The following SLC25A48 variants were observed in gnomAD, a reference collection of about 807,000 sequenced individuals.
SLC25A48 encodes the protein CTC-321K16.1.
SLC25A48 carries 29 observed loss-of-function variants against 32.2 expected under a neutral mutation model. The ratio of observed to expected loss-of-function variants is 0.90; its 90% CI spans 0.67 to 1.23. The LOEUF (loss-of-function observed/expected upper bound fraction) is 1.23, where lower values mean the gene tolerates loss of function less well. SLC25A48 is among the 50% of genes most tolerant of loss of function. The probability of loss-of-function intolerance (pLI) is 0.00; values close to 1 mark genes in which losing one functional copy is unlikely to be tolerated. For synonymous variants in SLC25A48, 164 were observed against 172.3 expected, an observed-to-expected ratio of 0.95 and a Z score of 0.38; for missense variants, 399 against 422.7, an observed-to-expected ratio of 0.94 and a Z score of 0.49.
At chr5:135,652,471 A>G (rs1753139665) in intron 3 of SLC25A48, 1 of 455,972 alleles carries the variant, frequency 2.2e-6, no homozygotes, top group Non-Finnish European at 4.4e-6. Context: ...ACTTCTCAGC[A>G]AAGAAAGTGG....
upstream of SLC25A48, among the ~76,000 whole-genome samples, chr5:135,833,487 A>G (rs916542815): frequency 1.3e-5 from 2 of 152,212 alleles, no homozygotes; most frequent in Non-Finnish European, 1.5e-5. Flanking sequence ...TAGCAGCCCT[A>G]GGCATATATC....
At chr5:135,813,029 T>G (rs929076510) in intron 4 of SLC25A48, 1 of 152,242 alleles carries the variant, frequency 6.6e-6, no homozygotes, top group Non-Finnish European at 1.5e-5. Context: ...AAGCCTGCCT[T>G]TAATTATGAG....
intron 4 of SLC25A48, among the ~76,000 whole-genome samples, chr5:135,822,540 T>C (rs538709437): frequency 6.6e-6 from 1 of 152,264 alleles, no homozygotes; most frequent in South Asian, 2.1e-4. Flanking sequence ...TCCTCCATCA[T>C]CACATGACAT....
chr5:135,659,899 C>T (rs1377526835), intron 3 of SLC25A48, among the ~76,000 whole-genome samples: 1 of 152,210 alleles, frequency 6.6e-6, no homozygotes, highest in Non-Finnish European at 1.5e-5. Context: ...AAATCTGCCC[C>T]CATGATTCAA....
chr5:135,730,583 T>A (rs1456978405), intron 3 of SLC25A48, among the ~76,000 whole-genome samples: 1 of 152,188 alleles, frequency 6.6e-6, no homozygotes, highest in African/African-American at 2.4e-5. Context: ...ATTTTGGTAC[T>A]AGTAGAGTGG....
intron 3 of SLC25A48, among the ~76,000 whole-genome samples, chr5:135,718,623 G>A (rs1302680306): frequency 1.3e-5 from 2 of 152,128 alleles, no homozygotes; most frequent in Non-Finnish European, 2.9e-5. Context: ...TGTAAAAAGA[G>A]AAATCCCTTT....
At chr5:135,812,745 T>G (rs1234075864) in exon 4 of SLC25A48, 1 of 152,224 alleles carries the variant, frequency 6.6e-6, no homozygotes, top group East Asian at 1.9e-4. Flanking sequence ...AGATGTGTGC[T>G]CCCCAGAGCT....
At chr5:135,591,059 G>C (rs17168702) in intron 1 of SLC25A48, among the ~76,000 whole-genome samples, 53,190 of 152,138 alleles carry the variant, frequency 0.35, 9,362 homozygotes, top group African/African-American at 0.41. Context: ...GAGCCTCCAG[G>C]GTATCTGGGT....
At chr5:135,810,746 G>C (rs541863227) in intron 3 of SLC25A48, among the ~76,000 whole-genome samples, 62 of 152,274 alleles carry the variant, frequency 4.1e-4, no homozygotes, top group African/African-American at 1.5e-3. Flanking sequence ...GGAAGGCAAG[G>C]GTAGAACAAA....
At chr5:135,654,841 T>C (rs574734608) in intron 3 of SLC25A48, among the ~76,000 whole-genome samples, 71 of 152,348 alleles carry the variant, frequency 4.7e-4, no homozygotes, top group African/African-American at 1.7e-3. Flanking sequence ...GCTGCTGGAG[T>C]TTCCAGTTCT....
intron 3 of SLC25A48, among the ~76,000 whole-genome samples, chr5:135,767,592 A>G (rs1369789271): frequency 1.3e-5 from 2 of 151,758 alleles, no homozygotes; most frequent in Non-Finnish European, 2.9e-5. Flanking sequence ...GAGGAAGAGG[A>G]TGTGATTACT....
At chr5:135,794,585 C>T (rs1757118012) in intron 3 of SLC25A48, among the ~76,000 whole-genome samples, 1 of 151,610 alleles carries the variant, frequency 6.6e-6, no homozygotes, top group Non-Finnish European at 1.5e-5. Context: ...GGTGTACACT[C>T]CCCATGTGAA....
chr5:135,833,752 C>A (rs1236834360), upstream of SLC25A48, among the ~76,000 whole-genome samples: 1 of 152,208 alleles, frequency 6.6e-6, no homozygotes, highest in Non-Finnish European at 1.5e-5. Context: ...GTCCCTTCAC[C>A]TCCAAGTCCC....
chr5:135,719,972 A>G (rs1430287792), intron 3 of SLC25A48, among the ~76,000 whole-genome samples: 1 of 152,252 alleles, frequency 6.6e-6, no homozygotes, highest in African/African-American at 2.4e-5. Flanking sequence ...CTTTCTTTGA[A>G]GCAAGTTCTG....
intron 4 of SLC25A48, among the ~76,000 whole-genome samples, chr5:135,816,438 A>G (rs1262097207): frequency 6.6e-6 from 1 of 152,174 alleles, no homozygotes; most frequent in Admixed American, 6.5e-5. Flanking sequence ...TCAGAATCCA[A>G]CTACCAAAAT....
At chr5:135,711,582 ATTAGACAATACTCT>A (rs1421966019) in intron 3 of SLC25A48, among the ~76,000 whole-genome samples, 1 of 152,194 alleles carries the variant, frequency 6.6e-6, no homozygotes, top group Non-Finnish European at 1.5e-5. Flanking sequence ...TGCTAAGACC[ATTAGACAATACTCT>A]TTTAATTTAC....
At chr5:135,800,429 A>G (rs1425796103) in intron 3 of SLC25A48, among the ~76,000 whole-genome samples, 2 of 151,846 alleles carry the variant, frequency 1.3e-5, no homozygotes, top group Non-Finnish European at 2.9e-5. Flanking sequence ...TATTACTTTC[A>G]ATATCACAGA....
At chr5:135,618,228 G>A (rs901302109) in intron 1 of SLC25A48, among the ~76,000 whole-genome samples, 2 of 152,010 alleles carry the variant, frequency 1.3e-5, no homozygotes, top group African/African-American at 4.8e-5. Flanking sequence ...TATAAGTATA[G>A]CTATTCCTAC....
At chr5:135,753,532 G>A (rs771855734) in intron 3 of SLC25A48, among the ~76,000 whole-genome samples, 5 of 151,886 alleles carry the variant, frequency 3.3e-5, no homozygotes, top group Non-Finnish European at 5.9e-5. Context: ...GCCTAATATC[G>A]TGGGGTGTAC....
Sources: gnomAD v4.1 joint callset for allele counts (sites outside exome capture counted in the v4.1 genomes callset) on GRCh38, gnomAD v4.1.1 for gene constraint, MANE v1.5 for transcripts, NCBI Gene and HGNC (gene_info 2026-07-23, HGNC 2026-07-21) for gene names.